DPEP1: variants seen among roughly 807,000 people sequenced by gnomAD.
DPEP1 encodes dipeptidase 1, also known as beta-lactamase.
DPEP1 carries 50 observed loss-of-function variants against 42.3 expected under a neutral mutation model. The ratio of observed to expected loss-of-function variants is 1.18; its 90% CI spans 0.94 to 1.50. The LOEUF (loss-of-function observed/expected upper bound fraction) is 1.50, where lower values mean the gene tolerates loss of function less well. Among genes scored for constraint, DPEP1 ranks in the 40% most tolerant of loss-of-function variants. The pLI, the probability that DPEP1 is intolerant of heterozygous loss-of-function variation, is 0.00. For missense variants in DPEP1, 663 were observed against 553.0 expected (o/e 1.20, Z -1.99); for synonymous variants, 297 against 234.0 (o/e 1.27, Z -2.46).
downstream of DPEP1, among the ~76,000 whole-genome samples, chr16:89,639,688 C>T (rs899064841): frequency 5.3e-5 from 8 of 151,812 alleles, no homozygotes; most frequent in African/African-American, 7.3e-5. Flanking sequence ...CCACTCTCTT[C>T]ATCCAGCATT....
chr16:89,638,692 G>GCA (rs56372832), downstream of DPEP1, among the ~76,000 whole-genome samples: 20,877 of 71,318 alleles, frequency 0.29, 4,032 homozygotes, highest in Non-Finnish European at 0.4. Context: ...CCCCACCCCT[G>GCA]CACACACACA....
chr16:89,640,573 TTCTG>T (rs2059735759), downstream of DPEP1: 1 of 984,938 alleles, frequency 1.0e-6, no homozygotes, highest in Non-Finnish European at 1.2e-6. Flanking sequence ...TCAATAATCG[TTCTG>T]TCTGTTCCCC....
intron 1 of DPEP1, among the ~76,000 whole-genome samples, chr16:89,617,824 G>A (rs2059397177): frequency 7.8e-6 from 1 of 128,660 alleles, no homozygotes; most frequent in African/African-American, 2.8e-5. Context: ...AGGAGTTTGA[G>A]ACTAGCCTGG....
intron 1 of DPEP1, chr16:89,616,946 T>C: frequency 4.6e-6 from 1 of 219,254 alleles, no homozygotes; most frequent in Non-Finnish European, 9.4e-6. Flanking sequence ...CCGAGCGGCG[T>C]GACGGCTCCA....
intron 2 of DPEP1, among the ~76,000 whole-genome samples, chr16:89,631,347 G>T (rs1399277206): frequency 1.3e-5 from 2 of 152,110 alleles, no homozygotes; most frequent in Non-Finnish European, 2.9e-5. Context: ...CCCCTTCCTG[G>T]CCCAGTGCCC....
Position 89,638,342 on chromosome 16 carries a change from G to A in DPEP1, c.*120G>A. 7.0e-7 allele frequency: 1 copy of A among 1,432,174 alleles called. No individual in the cohort carries two copies. The highest frequency in any genetic ancestry group is 9.1e-7 in the Non-Finnish European group (1 of 1,096,806). The allele number at this position is 1,432,174 out of a possible 1,614,324, so 88.7% of individuals were successfully genotyped here. ...ATGCAAGGACCAGCATCTCCTGAGAGGACGCCTGGGCTTACCTGGGGGGCA... is the reference window on the plus strand; with the variant it reads ...ATGCAAGGACCAGCATCTCCTGAGAAGACGCCTGGGCTTACCTGGGGGGCA... On this transcript the variant is annotated 3_prime_UTR_variant, in exon 11 of 11. Coordinates refer to ENST00000690203, the MANE Select transcript of DPEP1 (RefSeq NM_001389466.1).
At chr16:89,629,509 AC>A (rs61452150) in intron 1 of DPEP1, among the ~76,000 whole-genome samples, 77,054 of 115,196 alleles carry the variant, frequency 0.67, 22,218 homozygotes, top group Middle Eastern at 0.77. Flanking sequence ...GGCTCCCCCC[AC>A]CCCCCCCCGA....
intron 1 of DPEP1, among the ~76,000 whole-genome samples, chr16:89,617,977 T>C (rs989601898): frequency 6.6e-6 from 1 of 152,112 alleles, no homozygotes; most frequent in Non-Finnish European, 1.5e-5. Context: ...TGAGCTGAGA[T>C]TGTGCCCCTG....
At chr16:89,614,387 ACT>A (rs1200993422) in intron 1 of DPEP1, among the ~76,000 whole-genome samples, 1 of 151,894 alleles carries the variant, frequency 6.6e-6, no homozygotes, top group African/African-American at 2.4e-5. Context: ...CCCCGGACTT[ACT>A]CTCTGTTCTG....
intron 1 of DPEP1, among the ~76,000 whole-genome samples, chr16:89,627,106 A>G (rs968266102): frequency 6.7e-6 from 1 of 149,044 alleles, no homozygotes; most frequent in Non-Finnish European, 1.5e-5. Context: ...CTAAAAAAAA[A>G]GAAAAAAAAG....
intron 1 of DPEP1, among the ~76,000 whole-genome samples, chr16:89,626,089 T>C (rs1034113874): frequency 9.9e-5 from 15 of 152,186 alleles, no homozygotes; most frequent in Non-Finnish European, 1.8e-4. Context: ...CTCCCGCCAC[T>C]GTGAGGCCCT....
At chr16:89,622,546 G>T (rs1425457087) in intron 1 of DPEP1, among the ~76,000 whole-genome samples, 1 of 152,164 alleles carries the variant, frequency 6.6e-6, no homozygotes, top group Non-Finnish European at 1.5e-5. Context: ...AGCACTTTGG[G>T]AGGCCGAGGC....
chr16:89,620,273 G>A (rs2059432436), intron 1 of DPEP1, among the ~76,000 whole-genome samples: 1 of 151,982 alleles, frequency 6.6e-6, no homozygotes, highest in Non-Finnish European at 1.5e-5. Flanking sequence ...GAGGTGGCTG[G>A]GGTCTGCCAG....
chr16:89,632,764 G>T (rs937030871), intron 2 of DPEP1, among the ~76,000 whole-genome samples: 1 of 152,158 alleles, frequency 6.6e-6, no homozygotes, highest in African/African-American at 2.4e-5. Context: ...TCCAGCAAGA[G>T]TGGAGAGGGC....
intron 1 of DPEP1, among the ~76,000 whole-genome samples, chr16:89,628,708 A>G (rs7184200): frequency 1.1e-3 from 167 of 152,206 alleles, no homozygotes; most frequent in African/African-American, 3.7e-3. Flanking sequence ...CAGAACATGG[A>G]TGTTCTCAGA....
At chr16:89,641,412 C>T (rs1340656820), downstream of DPEP1, among the ~76,000 whole-genome samples, 1 of 152,228 alleles carries the variant, frequency 6.6e-6, no homozygotes, top group Admixed American at 6.5e-5. Context: ...GGGGCTCACG[C>T]TCATCTTGTG....
Position 89,638,117 on chromosome 16 carries a change from C to A in DPEP1, c.1131C>A (p.Cys377Ter), listed in dbSNP as rs2059708720. Residue 377 changes from cysteine to a stop codon, truncating the protein, a stop_gained, in exon 11 of 11, where the codon TGC becomes TGA. Transcript: ENST00000690203. LOFTEE classifies it low-confidence loss of function (END_TRUNC). ...PIPLDQLGGS[C>*]RTHYGYSSGA... ...CGCTGGACCAGCTGGGTGGCTCCTG[C>A]AGGACCCATTACGGCTACTCCTCTG... 6.2e-7 allele frequency: 1 copy of A among 1,612,364 alleles called. No homozygotes were observed. Among genetic ancestry groups the A allele is most frequent in the African/African-American group, 1.3e-5 (1 of 75,018 alleles).
At chr16:89,638,460 G>A (rs1171868521), downstream of DPEP1, 11 of 1,305,350 alleles carry the variant, frequency 8.4e-6, no homozygotes, top group East Asian at 3.0e-5. Flanking sequence ...ATCGGCATCC[G>A]GCTCAGGAGG....
At chr16:89,640,583 TC>T (rs2059735915), downstream of DPEP1, 6 of 982,472 alleles carry the variant, frequency 6.1e-6, no homozygotes, top group African/African-American at 1.8e-5. Flanking sequence ...TTCTGTCTGT[TC>T]CCCTCCCAGC....
Sources: gnomAD v4.1 joint callset for allele counts (sites outside exome capture counted in the v4.1 genomes callset) on GRCh38, gnomAD v4.1.1 for gene constraint, MANE v1.5 for transcripts, NCBI Gene and HGNC (gene_info 2026-07-23, HGNC 2026-07-21) for gene names.